Variants in SVEP1 observed in about 807,000 individuals in gnomAD.
SVEP1 encodes the protein sushi, von Willebrand factor type A, EGF and pentraxin domain-containing protein 1.
A neutral mutation model predicts 367.3 loss-of-function variants in SVEP1; 164 were observed. That is an observed-to-expected ratio of 0.45 (90% CI 0.39 to 0.51). The LOEUF is 0.51. Among genes scored for constraint, SVEP1 ranks in the 20% least tolerant of loss-of-function variants. The probability of loss-of-function intolerance (pLI) is 0.00; values close to 1 mark genes in which losing one functional copy is unlikely to be tolerated. For synonymous variants in SVEP1, 1,666 were observed against 1,611.6 expected (o/e 1.03, Z -0.81); for missense variants, 4,117 against 4,425.3 (o/e 0.93, Z 1.98).
chr9:110,557,263 A>G (rs1830367560), intron 1 of SVEP1, among the ~76,000 whole-genome samples: 1 of 152,104 alleles, frequency 6.6e-6, no homozygotes, highest in African/African-American at 2.4e-5. Context: ...ATGCAGTGTC[A>G]TTCTCTTCTC....
rs150702162 is a variant in SVEP1 at position 110,454,419 on chromosome 9, G to A, written c.3787+1171C>T. Among the ~76,000 whole-genome samples, 749 of 152,188 alleles carry A rather than the reference G, an allele frequency of 4.9e-3. 3 individuals are homozygous for A. The highest frequency in any genetic ancestry group is 0.017 in the African/African-American group (695 of 41,528). On this transcript the variant is annotated intron_variant, in intron 22 of 47. Transcript: ENST00000374469. ...CTGGGGTTCAGTTTCATTCTTCTGC[G>A]TATGGTTGGCCAGTAATCCCAGCAA...
Position 110,579,408 on chromosome 9 carries a change from T to G in SVEP1, c.136A>C (p.Ile46Leu), listed in dbSNP as rs1290502644. ...PETAPGAPGS[I>L]PAPPAPGDEA... ...TCGCCAGGAGCGGGCGGCGCGGGGA[T>G]ACTCCCGGGGGCCCCGGGCGCGGTC... The change falls in exon 1 of 48, where the codon ATC (isoleucine) becomes CTC (leucine). Residue 46 changes from isoleucine (I) to leucine (L), a missense_variant. This residue lies in a region of SVEP1 where 161 missense variants were observed against 122.4 expected (regional missense o/e 1.32). Transcript: ENST00000374469. This position sits in a 1 kb window ranked among gnomAD's most constrained non-coding sequence, Gnocchi z 5.3. The G allele has an allele frequency of 6.3e-7, 1 of 1,577,220 alleles. No individual in the cohort carries two copies. Among genetic ancestry groups the G allele is most frequent in the Non-Finnish European group, 8.6e-7 (1 of 1,162,642 alleles).
At chr9:110,409,534 A>G (rs1163807300) in intron 37 of SVEP1, among the ~76,000 whole-genome samples, 1 of 152,192 alleles carries the variant, frequency 6.6e-6, no homozygotes, top group Non-Finnish European at 1.5e-5. Flanking sequence ...TAATCTATAT[A>G]TTGATTGGTG....
chr9:110,570,467 CGTGTGTGTGT>C (rs59503025), intron 1 of SVEP1, among the ~76,000 whole-genome samples: 15 of 146,938 alleles, frequency 1.0e-4, no homozygotes, highest in South Asian at 2.2e-4. Flanking sequence ...GTTTCTGTTG[CGTGTGTGTGT>C]GTGTGTGTGT....
At chr9:110,446,162 C>T in intron 25 of SVEP1, 124 bp from the exon 26 acceptor site, 2 of 823,590 alleles carry the variant, frequency 2.4e-6, no homozygotes. Flanking sequence ...GAAGCAGTTT[C>T]AAAATTAAAT....
At chr9:110,451,711 T>C (rs1033489941) in intron 22 of SVEP1, among the ~76,000 whole-genome samples, 2 of 152,206 alleles carry the variant, frequency 1.3e-5, no homozygotes, top group African/African-American at 4.8e-5. Context: ...TGCTAGTTGT[T>C]CTCTTTTTGA....
At chr9:110,488,872 T>C (rs897631970) in intron 9 of SVEP1, among the ~76,000 whole-genome samples, 1 of 152,118 alleles carries the variant, frequency 6.6e-6, no homozygotes, top group African/African-American at 2.4e-5. Context: ...AGTGAGACCC[T>C]GTCTCTGAAA....
chr9:110,383,067 C>G lies in SVEP1; in HGVS notation c.10237+2831G>C, dbSNP rs535781780. Reference sequence around the variant, plus strand: ...CTGAAGCCTACTTCTTTCAATTCATCAATCCTAGCCTCTGCCCAATTCTGT... The same window carrying G: ...CTGAAGCCTACTTCTTTCAATTCATGAATCCTAGCCTCTGCCCAATTCTGT... On this transcript the variant is annotated intron_variant, in intron 43 of 47. Transcript: ENST00000374469. Among the ~76,000 whole-genome samples, 4 of 152,342 alleles carry G rather than the reference C, an allele frequency of 2.6e-5. 1 individual carries two copies. Among genetic ancestry groups the G allele is most frequent in the African/African-American group, 7.2e-5 (3 of 41,580 alleles).
intron 30 of SVEP1, among the ~76,000 whole-genome samples, chr9:110,434,124 T>C (rs1828395499): frequency 6.6e-6 from 1 of 152,170 alleles, no homozygotes; most frequent in South Asian, 2.1e-4. Flanking sequence ...TTGCATCACC[T>C]TGGATGCATG....
rs1365880641 is a variant in SVEP1, at chr9:110,536,958, G to T, written c.964+9157C>A. Among the ~76,000 whole-genome samples, 6 of 151,788 alleles carry T rather than the reference G, an allele frequency of 4.0e-5. No individual in the cohort carries two copies. In the East Asian group the frequency reaches 1.2e-3, roughly 29 times the overall value. On this transcript the variant is annotated intron_variant, in intron 3 of 47. Transcript: ENST00000374469. ...CAGTCCTAGTAAAGTCTTTTTGGAG[G>T]GCATCCCAGAAATTGAGAAAGTGAA...
chr9:110,467,438 G>A (rs1183028332), intron 17 of SVEP1, among the ~76,000 whole-genome samples: 1 of 152,056 alleles, frequency 6.6e-6, no homozygotes, highest in Admixed American at 6.6e-5. Context: ...ATATAGTTTG[G>A]ATGTGTGTCT....
rs547882841 is a variant in SVEP1 at position 110,403,554 on chromosome 9, C to T, written c.9666+773G>A. On this transcript the variant is annotated intron_variant, in intron 39 of 47. Transcript: ENST00000374469. ...TCTTGACCTTGTGATCCATCCACCTCGGCCTCCCAAAGTGCTGGGATTACA... is the reference window on the plus strand; with the variant it reads ...TCTTGACCTTGTGATCCATCCACCTTGGCCTCCCAAAGTGCTGGGATTACA... 7.2e-4 allele frequency among the ~76,000 whole-genome samples: 109 copies of T among 151,940 alleles called. 1 individual carries two copies. Among genetic ancestry groups the T allele is most frequent in the African/African-American group, 2.5e-3 (105 of 41,408 alleles).
chr9:110,475,886 AG>A (rs1829091171), intron 14 of SVEP1: 1 of 195,346 alleles, frequency 5.1e-6, no homozygotes, highest in Admixed American at 6.1e-5. Flanking sequence ...GCCATATAAA[AG>A]TTGCTGTTAG....
chr9:110,540,502 T>C (rs1830130909), intron 3 of SVEP1, among the ~76,000 whole-genome samples: 1 of 152,106 alleles, frequency 6.6e-6, no homozygotes, highest in African/African-American at 2.4e-5. Context: ...TTGATTGATT[T>C]ACCACAAGAA....
intron 13 of SVEP1, among the ~76,000 whole-genome samples, chr9:110,479,214 G>T (rs889541755): frequency 1.3e-5 from 2 of 151,414 alleles, no homozygotes; most frequent in Admixed American, 1.3e-4. Flanking sequence ...CACCGCGCCT[G>T]GTCTGTTTTT....
Position 110,423,906 on chromosome 9 carries a change from TTTATAGTC to T in SVEP1, c.5975+3677_5975+3684del, listed in dbSNP as rs1391665723. ...CAGTTAAACTACAATTTGAGAAGTG[TTTATAGTC>T]TTAAAGTAATTTCTGGGAAGAAACA... is the stretch of plus-strand genomic sequence containing the variant. On this transcript the variant is annotated intron_variant, in intron 36 of 47. Coordinates refer to ENST00000374469, the MANE Select transcript of SVEP1 (RefSeq NM_153366.4). Among the ~76,000 whole-genome samples, 52 of 152,310 alleles carry T rather than the reference TTTATAGTC, an allele frequency of 3.4e-4. No individual in the cohort carries two copies. The East Asian group carries it at 6.0e-3, about 17-fold the overall frequency.
At chr9:110,442,400 C>G (rs137893889) in intron 27 of SVEP1, 1 of 151,952 alleles carries the variant, frequency 6.6e-6, no homozygotes, top group Non-Finnish European at 1.5e-5. Flanking sequence ...TGGTTTGATC[C>G]GCATGGATCT....
In SVEP1 at chr9:110,579,533, C is replaced by G; in HGVS notation, c.11G>C (p.Arg4Pro). MWP[R>P]LAFCCWGLAL... Reference sequence around the variant, plus strand: ...CAGACCCCAGCAACAAAAGGCCAGGCGAGGCCACATCGCGCTGGAGACAGA... The same window carrying G: ...CAGACCCCAGCAACAAAAGGCCAGGGGAGGCCACATCGCGCTGGAGACAGA... Residue 4 changes from arginine to proline, a missense_variant, in exon 1 of 48, where the codon CGC (arginine) becomes CCC (proline). Coordinates refer to ENST00000374469, the MANE Select transcript of SVEP1 (RefSeq NM_153366.4). The surrounding 1 kb of genome is among the most constrained non-coding windows in gnomAD (Gnocchi z 5.3). 6.3e-7 allele frequency: 1 copy of G among 1,599,600 alleles called. No homozygotes were observed. The highest frequency in any genetic ancestry group is 8.5e-7 in the Non-Finnish European group (1 of 1,174,710).
intron 5 of SVEP1, among the ~76,000 whole-genome samples, chr9:110,504,480 A>T (rs1829592430): frequency 6.6e-6 from 1 of 152,228 alleles, no homozygotes; most frequent in Admixed American, 6.5e-5. Flanking sequence ...ATACTAGAGT[A>T]TAAGTATATG....
Sources: gnomAD v4.1 joint callset for allele counts (sites outside exome capture counted in the v4.1 genomes callset) on GRCh38, gnomAD v4.1.1 for gene constraint, gnomAD v4.1.1 regional missense constraint, Gnocchi (gnomAD v3.1) non-coding constraint, MANE v1.5 for transcripts, NCBI Gene and HGNC (gene_info 2026-07-23, HGNC 2026-07-21) for gene names.